The following COL22A1 variants were observed in gnomAD, a reference collection of about 807,000 sequenced individuals.
The protein encoded by COL22A1 is collagen alpha-1(XXII) chain.
COL22A1 carries 221 observed loss-of-function variants against 248.9 expected under a neutral mutation model. The ratio of observed to expected loss-of-function variants is 0.89; its 90% CI spans 0.80 to 0.99. COL22A1 has a LOEUF of 0.99. Ranked by LOEUF, COL22A1 falls within the 50% of genes least tolerant of loss-of-function variation. COL22A1 has a pLI of 0.00. For synonymous variants in COL22A1, 891 were observed against 793.4 expected (o/e 1.12, Z -2.07); for missense variants, 2,240 against 2,179.0 (o/e 1.03, Z -0.56).
At chr8:138,615,908 C>CA (rs1819277040) in intron 55 of COL22A1, 93 bp downstream of exon 55, 1 of 905,644 alleles carries the variant, frequency 1.1e-6, no homozygotes, top group African/African-American at 1.7e-5. Context: ...GCAGTGCTGC[C>CA]ACCAGCCATT....
At position 138,685,299 on chromosome 8, in the gene COL22A1, T is replaced by G; in HGVS notation, c.2876A>C (p.Glu959Ala). The G allele has an allele frequency of 6.2e-7, 1 of 1,613,704 alleles. No individual in the cohort carries two copies. Among genetic ancestry groups the G allele is most frequent in the Non-Finnish European group, 8.5e-7 (1 of 1,179,832 alleles). ...ACCAACTGGCCCTGGGCTGCCTTCT[T>G]CCCCCGCTGCACCCTGGAAAGAAAA... ...GERGEKGAAG[E>A]EGSPGPVGPR... The change falls in exon 38 of 65, where the codon GAA (glutamate) becomes GCA (alanine). Residue 959 changes from glutamate to alanine, a missense_variant. By Grantham distance (107) the Glu-to-Ala change is moderately radical (BLOSUM62 -1). Transcript: ENST00000303045.
At chr8:138,792,114 A>C (rs1183330511) in intron 12 of COL22A1, among the ~76,000 whole-genome samples, 2 of 152,020 alleles carry the variant, frequency 1.3e-5, no homozygotes, top group Non-Finnish European at 2.9e-5. Flanking sequence ...CCCCCATTTC[A>C]TTCCTGGTGG....
At chr8:138,643,349 C>A (rs1434580876) in intron 47 of COL22A1, among the ~76,000 whole-genome samples, 1 of 152,136 alleles carries the variant, frequency 6.6e-6, no homozygotes, top group Non-Finnish European at 1.5e-5. Flanking sequence ...CTTCACAGTC[C>A]ACGGGTCATG....
intron 59 of COL22A1, 111 bp from the exon 60 acceptor site, chr8:138,602,270 AG>A: frequency 8.3e-7 from 1 of 1,209,126 alleles, no homozygotes; most frequent in Non-Finnish European, 1.2e-6. Context: ...GACCCTCAAA[AG>A]ATAAGGTCCC....
At chr8:138,721,924 T>C (rs747372524) in intron 26 of COL22A1, 112 bp downstream of exon 26, 54 of 856,782 alleles carry the variant, frequency 6.3e-5, no homozygotes, top group Non-Finnish European at 9.7e-5. Context: ...AACTGAATCC[T>C]GATCGAAGAC....
intron 43 of COL22A1, among the ~76,000 whole-genome samples, chr8:138,661,047 C>G: frequency 6.7e-6 from 1 of 149,142 alleles, no homozygotes; most frequent in African/African-American, 2.5e-5. Context: ...CAGACACACA[C>G]ACACACGCAC....
intron 1 of COL22A1, among the ~76,000 whole-genome samples, chr8:138,903,612 T>C (rs1483597918): frequency 6.6e-6 from 1 of 152,118 alleles, no homozygotes; most frequent in Non-Finnish European, 1.5e-5. Context: ...GATTGTTTTC[T>C]ACCTGGGCCC....
At chr8:138,661,683 CA>C (rs1823974165) in intron 43 of COL22A1, among the ~76,000 whole-genome samples, 1 of 152,146 alleles carries the variant, frequency 6.6e-6, no homozygotes, top group East Asian at 1.9e-4. Context: ...AGGGAAGGGT[CA>C]GGGGCAAGTC....
At chr8:138,730,791 G>T (rs1253294925) in intron 23 of COL22A1, among the ~76,000 whole-genome samples, 1 of 151,866 alleles carries the variant, frequency 6.6e-6, no homozygotes, top group South Asian at 2.1e-4. Context: ...TGAGCTTGCT[G>T]TGGAAGGGCT....
chr8:138,597,051 G>A lies in COL22A1; in HGVS notation c.4366-81C>T. Reference sequence around the variant, plus strand: ...GAACCCTGAGGACTTGGGAAACCAGGAAGTTCGTAGGTGGTATATACCCAC... The same window carrying A: ...GAACCCTGAGGACTTGGGAAACCAGAAAGTTCGTAGGTGGTATATACCCAC... On this transcript the variant is annotated intron_variant, in intron 61 of 64. Transcript: ENST00000303045. The A allele has an allele frequency of 5.1e-6, 6 of 1,177,816 alleles. No individual in the cohort carries two copies. The South Asian group carries it at 7.5e-5, about 15-fold the overall frequency. The allele number at this position is 1,177,816 out of a possible 1,614,324, so 73.0% of individuals were successfully genotyped here.
chr8:138,661,065 CACATACACAT>C (rs1474999042), intron 43 of COL22A1, among the ~76,000 whole-genome samples: 5 of 142,072 alleles, frequency 3.5e-5, no homozygotes, highest in Non-Finnish European at 7.6e-5. Flanking sequence ...CACACACACC[CACATACACAT>C]ACATACACAC....
intron 18 of COL22A1, among the ~76,000 whole-genome samples, chr8:138,757,045 G>A (rs1039176192): frequency 5.3e-5 from 8 of 152,044 alleles, no homozygotes; most frequent in African/African-American, 1.2e-4. Context: ...CTGCACACAC[G>A]TGCACACACA....
At chr8:138,720,848 A>C in intron 26 of COL22A1, 56 bp from the exon 27 acceptor site, 1 of 1,174,566 alleles carries the variant, frequency 8.5e-7, no homozygotes, top group Non-Finnish European at 1.2e-6. Context: ...GGATTAAACA[A>C]CACAAAGTAC....
rs996400464 is a variant in COL22A1, at chr8:138,708,957, C to A, written c.2518-5610G>T. On this transcript the variant is annotated intron_variant, in intron 30 of 64. Coordinates refer to ENST00000303045, the MANE Select transcript of COL22A1 (RefSeq NM_152888.3). ...AATTTACAAGAAAAAAATCAAAAAACCCCATCAAAAATGGGCAAAGGATAT... is the reference window on the plus strand; with the variant it reads ...AATTTACAAGAAAAAAATCAAAAAAACCCATCAAAAATGGGCAAAGGATAT... 5.9e-5 allele frequency among the ~76,000 whole-genome samples: 9 copies of A among 152,188 alleles called. 1 individual carries two copies. The South Asian group carries it at 1.5e-3, about 25-fold the overall frequency.
intron 48 of COL22A1, 63 bp downstream of exon 48, chr8:138,636,679 C>A: frequency 1.7e-6 from 2 of 1,198,194 alleles, no homozygotes. Flanking sequence ...ACAATGGAAG[C>A]CACCTGGGAG....
intron 43 of COL22A1, 76 bp downstream of exon 43, chr8:138,661,954 A>C: frequency 1.8e-5 from 20 of 1,132,514 alleles, no homozygotes; most frequent in Non-Finnish European, 2.4e-5. Context: ...AAAGGAGGCC[A>C]GGAGATGGTG....
chr8:138,830,053 C>T (rs1819918444), intron 5 of COL22A1, among the ~76,000 whole-genome samples: 1 of 152,094 alleles, frequency 6.6e-6, no homozygotes, highest in Non-Finnish European at 1.5e-5. Context: ...GAAAAAAGAT[C>T]ATTAACAGAA....
intron 39 of COL22A1, among the ~76,000 whole-genome samples, chr8:138,680,193 C>T (rs962950556): frequency 2.0e-5 from 3 of 152,192 alleles, no homozygotes; most frequent in African/African-American, 7.2e-5. Context: ...ATCGGTAGCA[C>T]AGTGTCCAAG....
intron 1 of COL22A1, among the ~76,000 whole-genome samples, chr8:138,910,615 T>C (rs1815386259): frequency 6.6e-6 from 1 of 152,194 alleles, no homozygotes; most frequent in South Asian, 2.1e-4. Context: ...TAAATATGTC[T>C]TGAATTCTTG....
Sources: gnomAD v4.1 joint callset for allele counts (sites outside exome capture counted in the v4.1 genomes callset) on GRCh38, gnomAD v4.1.1 for gene constraint, MANE v1.5 for transcripts, NCBI Gene and HGNC (gene_info 2026-07-23, HGNC 2026-07-21) for gene names.